IL17REL: variants seen among roughly 807,000 people sequenced by gnomAD.
IL17REL encodes the protein interleukin-17 receptor E-like protein.
Under a neutral mutation model 49.0 loss-of-function variants are expected in IL17REL, and 36 were observed. That is an observed-to-expected ratio of 0.73 (90% CI 0.56 to 0.97). The LOEUF (loss-of-function observed/expected upper bound fraction) is 0.97. IL17REL is among the 50% of genes least tolerant of loss of function. The pLI is 0.00. For synonymous variants in IL17REL, 206 were observed against 192.4 expected (o/e 1.07, Z -0.58); for missense variants, 470 against 453.9 (o/e 1.04, Z -0.32).
upstream of IL17REL, among the ~76,000 whole-genome samples, chr22:50,010,330 C>T (rs1261304808): frequency 6.6e-6 from 1 of 152,242 alleles, no homozygotes; most frequent in Non-Finnish European, 1.5e-5. Flanking sequence ...GGGCCGGGCT[C>T]ACCCGGGGCA....
At chr22:50,003,412 T>G (rs2061089533) in intron 1 of IL17REL, among the ~76,000 whole-genome samples, 1 of 148,958 alleles carries the variant, frequency 6.7e-6, no homozygotes, top group African/African-American at 2.5e-5. Flanking sequence ...TCCCAGCTAC[T>G]CAGGAAGCTG....
At chr22:49,999,899 C>A (rs771849474) in exon 5 of IL17REL, 1 of 1,541,900 alleles carries the variant, frequency 6.5e-7, no homozygotes, top group East Asian at 2.5e-5. Flanking sequence ...TCGGGGCTCC[C>A]GGAGGCCCTG....
chr22:49,992,666 G>T (rs2061012196), downstream of IL17REL, among the ~76,000 whole-genome samples: 1 of 152,150 alleles, frequency 6.6e-6, no homozygotes, highest in Non-Finnish European at 1.5e-5. Context: ...CACCCAGGAT[G>T]GAGTGCAGTG....
intron 1 of IL17REL, among the ~76,000 whole-genome samples, chr22:50,006,420 C>T (rs1455298387): frequency 2.6e-5 from 4 of 152,140 alleles, no homozygotes; most frequent in Non-Finnish European, 4.4e-5. Context: ...AGTCCTGGGA[C>T]GTTGAGCCGC....
chr22:50,012,702 T>G (rs931854402), upstream of IL17REL: 1 of 152,278 alleles, frequency 6.6e-6, no homozygotes, highest in Non-Finnish European at 1.5e-5. Flanking sequence ...GGGGCAAGTT[T>G]GCAGGATGCC....
At chr22:50,002,114 T>C (rs968378291) in intron 1 of IL17REL, among the ~76,000 whole-genome samples, 1 of 152,216 alleles carries the variant, frequency 6.6e-6, no homozygotes, top group Non-Finnish European at 1.5e-5. Flanking sequence ...CCTGTGATAA[T>C]GAGACTTCAC....
rs780776071 is a variant in IL17REL, at chr22:49,999,845, C to A, written c.457G>T (p.Ala153Ser). 35 of 1,519,332 alleles carry A rather than the reference C, an allele frequency of 2.3e-5. No individual in the cohort carries two copies. In the South Asian group the frequency reaches 4.2e-4, roughly 18 times the overall value. 94.1% of individuals were successfully genotyped at this position (1,519,332 alleles called of 1,614,324 possible). A position where few individuals can be genotyped will look rare whatever the true frequency, so the allele number is the denominator to read the frequency against. ...GCGCTCACTCGCACAGGGGCGCCGGCGTCCTCGCAGGTGAACCGCTTGAGG... is the reference window on the plus strand; with the variant it reads ...GCGCTCACTCGCACAGGGGCGCCGGAGTCCTCGCAGGTGAACCGCTTGAGG... Residue 153 changes from alanine (A) to serine (S), a missense_variant, in exon 5 of 13, where the codon GCC becomes TCC. Physicochemically the swap from Ala to Ser is moderately conservative, Grantham distance 99. Transcript: ENST00000341280.
Position 49,998,019 on chromosome 22 carries a change from C to G in IL17REL, c.819+6G>C. On this transcript the variant is annotated splice_donor_region_variant and intron_variant, in intron 9 of 12. Transcript: ENST00000341280. ...AGGGCACTGGCAGGCTGTGGCAGCC[C>G]CTCACCTTCAGGCAGAGCTGGGGCT... is the stretch of plus-strand genomic sequence containing the variant. 1 of 1,596,410 alleles carries G rather than the reference C, an allele frequency of 6.3e-7. No homozygotes were observed. Among genetic ancestry groups the G allele is most frequent in the South Asian group, 1.1e-5 (1 of 89,332 alleles).
chr22:50,000,102 C>G, intron 4 of IL17REL, 94 bp downstream of exon 6: 2 of 1,034,830 alleles, frequency 1.9e-6, no homozygotes, highest in Non-Finnish European at 2.6e-6. Context: ...GAGGGCCCCT[C>G]AGGATTTCCC....
upstream of IL17REL, among the ~76,000 whole-genome samples, chr22:50,011,121 C>T (rs928608295): frequency 8.6e-5 from 13 of 151,916 alleles, no homozygotes; most frequent in African/African-American, 3.1e-4. Flanking sequence ...AGGCAGCGCC[C>T]CTACACCCAC....
chr22:50,002,790 C>T (rs537225571), intron 1 of IL17REL, among the ~76,000 whole-genome samples: 39 of 152,320 alleles, frequency 2.6e-4, no homozygotes, highest in African/African-American at 9.1e-4. Context: ...CCACCACGCC[C>T]AGCCAGAAAT....
Position 50,003,172 on chromosome 22 carries a change from T to C in IL17REL, c.-41-1941A>G, listed in dbSNP as rs1277907653. On this transcript the variant is annotated intron_variant, in intron 1 of 12. Coordinates refer to ENST00000341280, the Ensembl canonical transcript of IL17REL. ...ACTTTGCTAATACTCTGTGGAGTAT[T>C]CATGAACACAGGCATGTGAGGGAAC... 2.6e-5 allele frequency among the ~76,000 whole-genome samples: 4 copies of C among 152,224 alleles called. No individual in the cohort carries two copies. In the East Asian group the frequency reaches 7.7e-4, roughly 29 times the overall value.
chr22:50,000,996 G>A (rs1057443397), intron 2 of IL17REL, 86 bp downstream of exon 3: 9 of 1,290,128 alleles, frequency 7.0e-6, no homozygotes, highest in Middle Eastern at 2.1e-4. Context: ...TCACCAGGCC[G>A]CCCAAGGTTT....
At chr22:50,011,007 C>A (rs1248198415), upstream of IL17REL, among the ~76,000 whole-genome samples, 2 of 151,740 alleles carry the variant, frequency 1.3e-5, no homozygotes, top group East Asian at 3.9e-4. Context: ...GCGCGGGTCC[C>A]CCCCCAGGGC....
At chr22:50,002,619 C>T (rs940880428) in intron 1 of IL17REL, among the ~76,000 whole-genome samples, 46 of 151,862 alleles carry the variant, frequency 3.0e-4, no homozygotes, top group African/African-American at 1.0e-3. Context: ...CTCAGCCTCA[C>T]GAGTAGTCGG....
downstream of IL17REL, among the ~76,000 whole-genome samples, chr22:49,992,349 G>A (rs2061010672): frequency 6.6e-6 from 1 of 152,194 alleles, no homozygotes; most frequent in Non-Finnish European, 1.5e-5. Context: ...TGTTAGAGCC[G>A]GGCAATGCAA....
At chr22:50,000,322 C>T (rs1250755764) in intron 4 of IL17REL, among the ~76,000 whole-genome samples, 82 bp from the exon 6 acceptor site, 1 of 152,244 alleles carries the variant, frequency 6.6e-6, no homozygotes, top group Non-Finnish European at 1.5e-5. Context: ...CCCATCCACG[C>T]GCTGTGCCTC....
chr22:49,997,844 C>T, intron 9 of IL17REL, 102 bp from the exon 12 acceptor site: 2 of 1,413,926 alleles, frequency 1.4e-6, no homozygotes, highest in Non-Finnish European at 2.0e-6. Flanking sequence ...TCAGGGTGCT[C>T]TGGGCCCAGT....
downstream of IL17REL, among the ~76,000 whole-genome samples, chr22:49,993,913 G>T (rs967325759): frequency 1.3e-5 from 2 of 152,142 alleles, no homozygotes; most frequent in Non-Finnish European, 2.9e-5. This position sits in a 1 kb window ranked among gnomAD's most constrained non-coding sequence, Gnocchi z 6.0. Flanking sequence ...GCTGAGCCGG[G>T]ACACTTGTTT....
Sources: allele counts gnomAD v4.1 joint callset (sites outside exome capture counted in the v4.1 genomes callset), GRCh38; gene constraint gnomAD v4.1.1; non-coding constraint Gnocchi (gnomAD v3.1); transcripts MANE v1.5; gene names NCBI Gene and HGNC (gene_info 2026-07-23, HGNC 2026-07-21).